Variants in CDH3 observed in about 807,000 individuals in gnomAD.
CDH3 encodes the protein cadherin-3.
A neutral mutation model predicts 82.0 loss-of-function variants in CDH3; 54 were observed. The ratio of observed to expected loss-of-function variants is 0.66; its 90% CI spans 0.53 to 0.83. The LOEUF is 0.83. CDH3 is among the 40% of genes least tolerant of loss of function. The pLI is 0.00. For synonymous variants in CDH3, 446 were observed against 437.9 expected, an observed-to-expected ratio of 1.02 and a Z score of -0.23; for missense variants, 1,054 against 1,084.6, an observed-to-expected ratio of 0.97 and a Z score of 0.40.
downstream of CDH3, among the ~76,000 whole-genome samples, chr16:68,731,446 AC>A: frequency 1.3e-4 from 2 of 15,070 alleles, no homozygotes; most frequent in African/African-American, 2.1e-4. Context: ...ATATATACAC[AC>A]ACACGTATAT....
intron 2 of CDH3, among the ~76,000 whole-genome samples, chr16:68,723,988 G>T (rs1962191413): frequency 6.6e-6 from 1 of 151,298 alleles, no homozygotes; most frequent in African/African-American, 2.4e-5. Context: ...AGAATGGCGT[G>T]AACCCGGGAG....
downstream of CDH3, among the ~76,000 whole-genome samples, chr16:68,730,832 C>T (rs1394570292): frequency 6.6e-6 from 1 of 150,516 alleles, no homozygotes; most frequent in Non-Finnish European, 1.5e-5. Context: ...ACCAACCTGA[C>T]CAACATGGAG....
intron 2 of CDH3, among the ~76,000 whole-genome samples, chr16:68,664,096 G>A (rs1960673452): frequency 6.6e-6 from 1 of 151,872 alleles, no homozygotes; most frequent in African/African-American, 2.4e-5. Context: ...CCTGGTAATT[G>A]AGCCCAGGCA....
chr16:68,660,685 G>T (rs993791089), intron 2 of CDH3, among the ~76,000 whole-genome samples: 3 of 152,256 alleles, frequency 2.0e-5, no homozygotes, highest in Admixed American at 2.0e-4. Context: ...TAGGCTGGGC[G>T]CTGGGGCTCA....
intron 1 of CDH3, among the ~76,000 whole-genome samples, chr16:68,721,782 A>C (rs989050527): frequency 3.3e-5 from 5 of 152,132 alleles, no homozygotes; most frequent in African/African-American, 1.2e-4. Context: ...AAATAATAAT[A>C]CATAATTGTT....
chr16:68,672,637 C>T (rs866800386), intron 2 of CDH3, among the ~76,000 whole-genome samples: 1 of 152,202 alleles, frequency 6.6e-6, no homozygotes. Context: ...TTTCCCCTTC[C>T]TCCCACTGGC....
chr16:68,697,594 A>C lies in CDH3; in HGVS notation c.2281-597A>C, dbSNP rs375448022. 3.4e-4 allele frequency among the ~76,000 whole-genome samples: 52 copies of C among 152,274 alleles called. No individual in the cohort carries two copies. The South Asian group carries it at 0.011, about 31-fold the overall frequency. ...CTGATGCCTCAGCTCACCTCCAAAG[A>C]TTGTGATATAATTGAACTGGGTGTG... On this transcript the variant is annotated intron_variant, in intron 15 of 15. Transcript: ENST00000264012.
chr16:68,698,222 C>T lies in CDH3; in HGVS notation c.2312C>T (p.Ala771Val). The T allele has an allele frequency of 6.2e-7, 1 of 1,614,244 alleles. No homozygotes were observed. The highest frequency in any genetic ancestry group is 8.5e-7 in the Non-Finnish European group (1 of 1,180,046). ...NLKAANTDPT[A>V]PPYDTLLVFD... ...AAGGCGGCTAACACAGACCCCACAGCCCCGCCCTACGACACCCTCTTGGTG... is the reference window on the plus strand; with the variant it reads ...AAGGCGGCTAACACAGACCCCACAGTCCCGCCCTACGACACCCTCTTGGTG... The change falls in exon 16 of 16, where the codon GCC becomes GTC. Residue 771 changes from alanine to valine, a missense_variant. Physicochemically the swap from Ala to Val is moderately conservative, Grantham distance 64. Transcript: ENST00000264012.
In CDH3 at chr16:68,695,868, C is replaced by T; in HGVS notation, c.2225C>T (p.Pro742Leu). The change falls in exon 15 of 16, where the codon CCC becomes CTC. Residue 742 changes from proline (P) to leucine (L), a missense_variant. Pro to Leu is a moderately conservative substitution (Grantham distance 98). Transcript: ENST00000264012. ...NDVAPTIIPT[P>L]MYRPRPANPD... ...GTGGCACCAACCATCATCCCGACAC[C>T]CATGTACCGTCCTCGGCCAGCCAAC... 6.2e-7 allele frequency: 1 copy of T among 1,614,096 alleles called. No individual in the cohort carries two copies. The highest frequency in any genetic ancestry group is 8.5e-7 in the Non-Finnish European group (1 of 1,180,014).
intron 13 of CDH3, among the ~76,000 whole-genome samples, chr16:68,694,622 CAAAAA>C (rs11328814): frequency 7.1e-6 from 1 of 141,656 alleles, no homozygotes; most frequent in African/African-American, 2.7e-5. Flanking sequence ...GACTCTGTCT[CAAAAA>C]AAAAAAAAAA....
At chr16:68,720,551 T>TGTGAAAA (rs1962149375) in intron 1 of CDH3, among the ~76,000 whole-genome samples, 1 of 151,848 alleles carries the variant, frequency 6.6e-6, no homozygotes, top group Non-Finnish European at 1.5e-5. Flanking sequence ...AGGCTACCCA[T>TGTGAAAA]ACATGTGTTT....
intron 2 of CDH3, among the ~76,000 whole-genome samples, chr16:68,646,511 C>G (rs1960073274): frequency 1.6e-5 from 2 of 128,122 alleles, no homozygotes; most frequent in African/African-American, 6.8e-5. Flanking sequence ...TACCCCCCCC[C>G]TCCCCGCCCC....
At chr16:68,674,156 TACG>T (rs1960967753) in intron 2 of CDH3, among the ~76,000 whole-genome samples, 1 of 152,240 alleles carries the variant, frequency 6.6e-6, no homozygotes. Flanking sequence ...ACCAGCAGTG[TACG>T]ACAATTCCAA....
downstream of CDH3, among the ~76,000 whole-genome samples, chr16:68,728,227 A>C (rs1962239353): frequency 6.6e-6 from 1 of 152,126 alleles, no homozygotes; most frequent in African/African-American, 2.4e-5. Context: ...GCGCAGTGGC[A>C]CGATCTCGGC....
chr16:68,673,733 T>C (rs1960956332), intron 2 of CDH3, among the ~76,000 whole-genome samples: 2 of 152,132 alleles, frequency 1.3e-5, no homozygotes, highest in Non-Finnish European at 2.9e-5. Flanking sequence ...GAGACCAGCC[T>C]GGCCAACATG....
At position 68,682,424 on chromosome 16, in the gene CDH3, C is replaced by CGG; in HGVS notation, c.1122_1123dup (p.Asp375GlyfsTer17). 1 of 1,614,086 alleles carries CGG rather than the reference C, an allele frequency of 6.2e-7. No individual in the cohort carries two copies. The highest frequency in any genetic ancestry group is 8.5e-7 in the Non-Finnish European group (1 of 1,180,014). ...CCTACCTTATCATGGGCGGTGACGA[C>CGG]GGGGACCATTTTACCATCACCACCC... On this transcript the variant is annotated frameshift_variant, in exon 9 of 16. Transcript: ENST00000264012. LOFTEE classifies it high-confidence loss of function.
chr16:68,702,860 A>G (rs1425738302), downstream of CDH3, among the ~76,000 whole-genome samples: 1 of 151,834 alleles, frequency 6.6e-6, no homozygotes, highest in East Asian at 1.9e-4. Context: ...GCATGACTCC[A>G]TCTCAAAAAA....
At chr16:68,691,356 G>A (rs1461617276) in intron 12 of CDH3, among the ~76,000 whole-genome samples, 2 of 152,062 alleles carry the variant, frequency 1.3e-5, no homozygotes, top group Non-Finnish European at 2.9e-5. Context: ...AAATGGGTTA[G>A]CTATCTTTTA....
In CDH3 at chr16:68,645,715, G is replaced by T; in HGVS notation, c.125G>T (p.Gly42Val). Residue 42 changes from glycine to valine, a missense_variant, in exon 2 of 16, where the codon GGC becomes GTC. Physicochemically the swap from Gly to Val is moderately radical, Grantham distance 109. Coordinates refer to ENST00000264012, the MANE Select transcript of CDH3 (RefSeq NM_001793.6). Reference protein sequence around the residue: ...REAEVTLEAGGAEQEPGQALG... With the variant: ...REAEVTLEAGVAEQEPGQALG... ...GCTGAAGTGACCTTGGAGGCGGGAG[G>T]CGCGGAGCAGGAGCCCGGCCAGGCG... The T allele has an allele frequency of 6.5e-7, 1 of 1,545,604 alleles. No individual in the cohort carries two copies. Among genetic ancestry groups the T allele is most frequent in the Non-Finnish European group, 8.7e-7 (1 of 1,146,474 alleles).
Sources: allele counts gnomAD v4.1 joint callset (sites outside exome capture counted in the v4.1 genomes callset), GRCh38; gene constraint gnomAD v4.1.1; transcripts MANE v1.5; gene names NCBI Gene and HGNC (gene_info 2026-07-23, HGNC 2026-07-21).